KLK5: variants seen among roughly 807,000 people sequenced by gnomAD.
KLK5 encodes the protein kallikrein related peptidase 5.
Under a neutral mutation model 24.0 loss-of-function variants are expected in KLK5, and 18 were observed. The ratio of observed to expected loss-of-function variants is 0.75; its 90% CI spans 0.52 to 1.11. The LOEUF is 1.11. Among genes scored for constraint, KLK5 ranks in the 50% most tolerant of loss-of-function variants. KLK5 has a pLI of 0.00. For synonymous variants in KLK5, 140 were observed against 154.0 expected, an observed-to-expected ratio of 0.91 and a Z score of 0.67; for missense variants, 374 against 379.2, an observed-to-expected ratio of 0.99 and a Z score of 0.11.
At chr19:50,945,308 C>A (rs1033364576) in intron 5 of KLK5, among the ~76,000 whole-genome samples, 2 of 143,438 alleles carry the variant, frequency 1.4e-5, no homozygotes, top group African/African-American at 5.5e-5. Flanking sequence ...ACATATTTAT[C>A]TATCTCTTTA....
chr19:50,944,101 T>A (rs910792711), intron 5 of KLK5, among the ~76,000 whole-genome samples: 6 of 151,928 alleles, frequency 3.9e-5, no homozygotes, highest in Non-Finnish European at 7.4e-5. Flanking sequence ...TCTCCCGGGT[T>A]CAAGCAATTC....
intron 2 of KLK5, among the ~76,000 whole-genome samples, chr19:50,950,638 C>T (rs541593900): frequency 3.2e-4 from 48 of 151,998 alleles, no homozygotes; most frequent in African/African-American, 1.1e-3. Flanking sequence ...ACGCCTGTAA[C>T]CCCAGCACTC....
chr19:50,951,759 G>T (rs1205332669), intron 2 of KLK5, among the ~76,000 whole-genome samples: 1 of 152,098 alleles, frequency 6.6e-6, no homozygotes, highest in African/African-American at 2.4e-5. Flanking sequence ...CAGCCTAGCG[G>T]GATCGCACAC....
At chr19:50,946,292 G>A (rs1267476662) in intron 5 of KLK5, among the ~76,000 whole-genome samples, 1 of 152,216 alleles carries the variant, frequency 6.6e-6, no homozygotes, top group Non-Finnish European at 1.5e-5. Flanking sequence ...AGGTAAATGA[G>A]TTAATGAGCT....
intron 2 of KLK5, 122 bp downstream of exon 2, chr19:50,952,463 C>G (rs2090695803): frequency 5.0e-6 from 3 of 600,406 alleles, no homozygotes; most frequent in Non-Finnish European, 8.3e-6. Context: ...GACAGAGACT[C>G]ACATTCACCC....
chr19:50,943,725 T>C lies in KLK5; in HGVS notation c.788A>G (p.Asp263Gly), dbSNP rs765533748. ...GSLQGLVSWG[D>G]YPCARPNRPG... ...TCTGTTGGGCCGGGCACAAGGGTAA[T>C]CTCCCCAGGACACGAGTCCCTGCAG... Residue 263 changes from aspartate to glycine, a missense_variant, in exon 6 of 6, where the codon GAT becomes GGT. Transcript: ENST00000336334. 1 of 1,613,490 alleles carries C rather than the reference T, an allele frequency of 6.2e-7. No individual in the cohort carries two copies. Among genetic ancestry groups the C allele is most frequent in the East Asian group, 2.2e-5 (1 of 44,840 alleles).
At chr19:50,945,456 T>G (rs1287986260) in intron 5 of KLK5, among the ~76,000 whole-genome samples, 2 of 151,356 alleles carry the variant, frequency 1.3e-5, no homozygotes, top group Non-Finnish European at 1.5e-5. Flanking sequence ...ATGAAGAAAA[T>G]GAAAAGTAGC....
rs779000882 is a variant in KLK5 at position 50,949,042 on chromosome 19, C to A, written c.409G>T (p.Val137Phe). ...TAGCCAGGGTGGGGGATGGATTTGA[C>A]CCCCTGGAACATCTGCTGCCCAGAT... ...YESGQQMFQG[V>F]KSIPHPGYSH... The change falls in exon 4 of 6, where the codon GTC becomes TTC. Residue 137 changes from valine (V) to phenylalanine (F), a missense_variant. Physicochemically the swap from Val to Phe is conservative, Grantham distance 50. Transcript: ENST00000336334. 16 of 1,613,574 alleles carry A rather than the reference C, an allele frequency of 9.9e-6. No homozygotes were observed. The highest frequency in any genetic ancestry group is 1.6e-4 in the Middle Eastern group (1 of 6,080).
At chr19:50,945,397 C>T (rs2090623290) in intron 5 of KLK5, among the ~76,000 whole-genome samples, 1 of 151,698 alleles carries the variant, frequency 6.6e-6, no homozygotes, top group African/African-American at 2.4e-5. Flanking sequence ...GCCATATCCA[C>T]AGCACCTGGA....
chr19:50,951,386 C>A (rs953070785), intron 2 of KLK5, among the ~76,000 whole-genome samples: 1 of 152,072 alleles, frequency 6.6e-6, no homozygotes, highest in South Asian at 2.1e-4. Flanking sequence ...GATTTTTCTG[C>A]CCCAGTCTCC....
Position 50,950,011 on chromosome 19 carries a change from G to A in KLK5, c.179C>T (p.Ser60Leu). Residue 60 changes from serine (S) to leucine (L), a missense_variant, in exon 3 of 6, where the codon TCG becomes TTG. Transcript: ENST00000336334. ...LGAGAGEDAR[S>L]DDSSSRIING... ...GATGATGCGGCTGCTGCTGTCATCCGACCGGGCGTCTTCCCCGGCCCCAGC... is the reference window on the plus strand; with the variant it reads ...GATGATGCGGCTGCTGCTGTCATCCAACCGGGCGTCTTCCCCGGCCCCAGC... 2 of 1,613,514 alleles carry A rather than the reference G, an allele frequency of 1.2e-6. No homozygotes were observed. The highest frequency in any genetic ancestry group is 1.3e-5 in the African/African-American group (1 of 74,886).
Position 50,949,042 on chromosome 19 carries a change from C to T in KLK5, c.409G>A (p.Val137Ile), listed in dbSNP as rs779000882. 6 of 1,613,692 alleles carry T rather than the reference C, an allele frequency of 3.7e-6. No individual in the cohort carries two copies. In the South Asian group the frequency reaches 6.6e-5, roughly 18 times the overall value. The change falls in exon 4 of 6, where the codon GTC becomes ATC. Residue 137 changes from valine to isoleucine, a missense_variant. Transcript: ENST00000336334. ...YESGQQMFQGVKSIPHPGYSH... is the reference protein window; with the variant it reads ...YESGQQMFQGIKSIPHPGYSH... ...TAGCCAGGGTGGGGGATGGATTTGA[C>T]CCCCTGGAACATCTGCTGCCCAGAT...
At chr19:50,949,467 C>A (rs565923102) in intron 3 of KLK5, among the ~76,000 whole-genome samples, 23 of 151,788 alleles carry the variant, frequency 1.5e-4, no homozygotes, top group Admixed American at 1.3e-3. Context: ...ATTTCCACCC[C>A]AGCCCGATTT....
In KLK5 at chr19:50,947,425, G is replaced by A. The variant is rs571205464; in HGVS notation, c.726+1215C>T. ...TGTGTCATCCATTCTCTGCTCAAAT[G>A]CCACCTCTCCAAGGAGGCTCCCCTG... On this transcript the variant is annotated intron_variant, in intron 5 of 5. Transcript: ENST00000336334. The surrounding 1 kb of genome is among the most constrained non-coding windows in gnomAD (Gnocchi z 8.7). Among the ~76,000 whole-genome samples the A allele has an allele frequency of 1.3e-5, 2 of 152,136 alleles. No individual in the cohort carries two copies. Among genetic ancestry groups the A allele is most frequent in the South Asian group, 2.1e-4 (1 of 4,810 alleles).
In KLK5 at chr19:50,948,581, T is replaced by C; in HGVS notation, c.726+59A>G. 1.9e-6 allele frequency: 3 copies of C among 1,582,932 alleles called. No homozygotes were observed. In the South Asian group the frequency reaches 3.3e-5, roughly 18 times the overall value. Reference sequence around the variant, plus strand: ...CTGGATTCTCAGAATTTGGCAACGCTCCATGTTACCGAGTTGGCACTCAGT... The same window carrying C: ...CTGGATTCTCAGAATTTGGCAACGCCCCATGTTACCGAGTTGGCACTCAGT... On this transcript the variant is annotated intron_variant, in intron 5 of 5. Coordinates refer to ENST00000336334, the MANE Select transcript of KLK5 (RefSeq NM_012427.5).
In KLK5 at chr19:50,943,729, C is replaced by T. The variant is rs550878265; in HGVS notation, c.784G>A (p.Gly262Arg). 2.4e-5 allele frequency: 38 copies of T among 1,613,734 alleles called. No individual in the cohort carries two copies. The highest frequency in any genetic ancestry group is 3.1e-5 in the Non-Finnish European group (37 of 1,179,914). The change falls in exon 6 of 6, where the codon GGA becomes AGA. Residue 262 changes from glycine to arginine, a missense_variant. Physicochemically the swap from Gly to Arg is moderately radical, Grantham distance 125. Coordinates refer to ENST00000336334, the MANE Select transcript of KLK5 (RefSeq NM_012427.5). ...TTGGGCCGGGCACAAGGGTAATCTC[C>T]CCAGGACACGAGTCCCTGCAGGGAG... ...NGSLQGLVSW[G>R]DYPCARPNRP... is the part of the protein sequence containing the mutation.
At chr19:50,949,722 CT>C (rs3215405) in intron 3 of KLK5, 132 bp downstream of exon 3, 72,807 of 528,554 alleles carry the variant, frequency 0.14, 13,443 homozygotes, top group East Asian at 0.45. Context: ...CAACCCTCAC[CT>C]TCCATGACAC....
chr19:50,951,298 G>A (rs1214832538), intron 2 of KLK5, among the ~76,000 whole-genome samples: 1 of 151,326 alleles, frequency 6.6e-6, no homozygotes, highest in East Asian at 1.9e-4. Context: ...TCGAGACGGA[G>A]TTTCGCTCTT....
Position 50,947,679 on chromosome 19 carries a change from T to C in KLK5, c.726+961A>G, listed in dbSNP as rs1227241956. Among the ~76,000 whole-genome samples, 1 of 152,192 alleles carries C rather than the reference T, an allele frequency of 6.6e-6. No homozygotes were observed. Among genetic ancestry groups the C allele is most frequent in the Non-Finnish European group, 1.5e-5 (1 of 68,032 alleles). ...CCTACCAGATTTCTCTTTTCCTTCC[T>C]CAAGATATTTTACCAGCACTTGCTA... On this transcript the variant is annotated intron_variant, in intron 5 of 5. Transcript: ENST00000336334. The surrounding 1 kb of genome is among the most constrained non-coding windows in gnomAD (Gnocchi z 8.7).
Sources: allele counts gnomAD v4.1 joint callset (sites outside exome capture counted in the v4.1 genomes callset), GRCh38; gene constraint gnomAD v4.1.1; non-coding constraint Gnocchi (gnomAD v3.1); transcripts MANE v1.5; gene names NCBI Gene and HGNC (gene_info 2026-07-23, HGNC 2026-07-21).